Variants in NRXN2 observed in about 807,000 individuals in gnomAD.
NRXN2 encodes neurexin-2-beta.
NRXN2 carries 29 observed loss-of-function variants against 128.8 expected under a neutral mutation model. The observed-to-expected ratio is 0.23, with a 90% confidence interval of 0.17 to 0.31. The LOEUF is 0.31. NRXN2 is among the 10% of genes least tolerant of loss of function. NRXN2 has a pLI of 1.00. For missense variants in NRXN2, 1,881 were observed against 2,452.6 expected (o/e 0.77, Z 4.92); for synonymous variants, 1,098 against 1,075.2 (o/e 1.02, Z -0.41).
At chr11:64,645,420 G>A (rs950278726) in intron 17 of NRXN2, among the ~76,000 whole-genome samples, 1 of 152,056 alleles carries the variant, frequency 6.6e-6, no homozygotes, top group South Asian at 2.1e-4. Flanking sequence ...AGAGATGAAC[G>A]GAGACAGGGA....
At chr11:64,655,387 C>T (rs747772628) in intron 11 of NRXN2, among the ~76,000 whole-genome samples, 3 of 152,032 alleles carry the variant, frequency 2.0e-5, no homozygotes, top group Non-Finnish European at 2.9e-5. Context: ...AGGAAGAAAA[C>T]GGAGCAGAGG....
chr11:64,709,543 T>C (rs756923262), intron 2 of NRXN2, among the ~76,000 whole-genome samples: 11 of 152,282 alleles, frequency 7.2e-5, no homozygotes, highest in Middle Eastern at 3.4e-3. Flanking sequence ...GCTGTGCCTG[T>C]CATCTCCAGA....
intron 3 of NRXN2, among the ~76,000 whole-genome samples, chr11:64,696,481 G>C (rs2054542222): frequency 6.7e-6 from 1 of 150,322 alleles, no homozygotes; most frequent in African/African-American, 2.5e-5. Context: ...CAGCAGAGTT[G>C]TATAAATGTA....
In NRXN2 at chr11:64,655,257, G is replaced by C. The variant is rs146336278; in HGVS notation, c.2390-1535C>G. Among the ~76,000 whole-genome samples, 425 of 152,324 alleles carry C rather than the reference G, an allele frequency of 2.8e-3. 2 individuals are homozygous for C. Among genetic ancestry groups the C allele is most frequent in the African/African-American group, 9.3e-3 (385 of 41,568 alleles). ...AGTGGAGGCGAGCAGCCAGGACCCT[G>C]GGCCACAGCCTGGCACCAAGGGAGG... is the stretch of plus-strand genomic sequence containing the variant. On this transcript the variant is annotated intron_variant, in intron 11 of 22. Coordinates refer to ENST00000265459, the MANE Select transcript of NRXN2 (RefSeq NM_015080.4).
intron 22 of NRXN2, among the ~76,000 whole-genome samples, chr11:64,613,316 G>A (rs913507890): frequency 2.0e-5 from 3 of 152,232 alleles, no homozygotes; most frequent in African/African-American, 7.2e-5. Context: ...AGTTCCGTGT[G>A]CACATGTCCA....
At chr11:64,645,056 C>T (rs1000231234) in intron 17 of NRXN2, among the ~76,000 whole-genome samples, 2 of 152,112 alleles carry the variant, frequency 1.3e-5, no homozygotes, top group South Asian at 2.1e-4. Context: ...AGGAGGCTTC[C>T]GGTGGTGCAG....
At chr11:64,662,435 T>A (rs1447881101) in intron 9 of NRXN2, among the ~76,000 whole-genome samples, 1 of 152,240 alleles carries the variant, frequency 6.6e-6, no homozygotes, top group Admixed American at 6.5e-5. Context: ...TTTATTCTAC[T>A]TGTATTTTTA....
Position 64,623,030 on chromosome 11 carries a change from C to A in NRXN2, c.3896G>T (p.Gly1299Val). ...FNSQAAIKIG[G>V]RDQGRPFQGQ... ...CTGGAAGGGGCGGCCCTGATCCCGG[C>A]CCCCGATCTTGATGGCAGCCTGGCT... Residue 1299 changes from glycine to valine, a missense_variant, in exon 21 of 23, where the codon GGC (glycine) becomes GTC (valine). Coordinates refer to ENST00000265459, the MANE Select transcript of NRXN2 (RefSeq NM_015080.4). This position sits in a 1 kb window ranked among gnomAD's most constrained non-coding sequence, Gnocchi z 4.9. 6.2e-7 allele frequency: 1 copy of A among 1,610,734 alleles called. No individual in the cohort carries two copies. The highest frequency in any genetic ancestry group is 2.2e-5 in the East Asian group (1 of 44,812).
chr11:64,629,455 T>C (rs1322186366), intron 19 of NRXN2, among the ~76,000 whole-genome samples: 2 of 152,186 alleles, frequency 1.3e-5, no homozygotes, highest in Non-Finnish European at 2.9e-5. Flanking sequence ...CATCTTTGCA[T>C]ATAGTTCAGT....
chr11:64,628,784 C>T (rs1217989941), intron 19 of NRXN2, among the ~76,000 whole-genome samples: 6 of 152,126 alleles, frequency 3.9e-5, no homozygotes, highest in Non-Finnish European at 2.9e-5. Context: ...TCAGTGTTGG[C>T]TTGTTGGGGG....
chr11:64,685,509 A>G, intron 6 of NRXN2, 137 bp downstream of exon 6: 1 of 1,173,860 alleles, frequency 8.5e-7, no homozygotes, highest in Non-Finnish European at 1.3e-6. Flanking sequence ...CACAGCCCCA[A>G]CTCCTGTTCT....
At chr11:64,662,659 G>A (rs1043993350) in intron 9 of NRXN2, among the ~76,000 whole-genome samples, 4 of 151,868 alleles carry the variant, frequency 2.6e-5, no homozygotes, top group African/African-American at 9.7e-5. Flanking sequence ...GCGGGCGCCT[G>A]TAGTCCCAGA....
At chr11:64,665,173 C>T (rs1230710782) in intron 9 of NRXN2, among the ~76,000 whole-genome samples, 3 of 150,848 alleles carry the variant, frequency 2.0e-5, no homozygotes, top group Non-Finnish European at 4.4e-5. Flanking sequence ...CCCAGCTACT[C>T]GGGAGGCTGA....
rs752886670 is a variant in NRXN2, at chr11:64,635,500, C to T, written c.3404-48G>A. Reference sequence around the variant, plus strand: ...ACAAGAAGAAATGACATCAGGAGGACGAGGTCAGCAGGTCCTCAGGGTTGT... The same window carrying T: ...ACAAGAAGAAATGACATCAGGAGGATGAGGTCAGCAGGTCCTCAGGGTTGT... On this transcript the variant is annotated intron_variant, in intron 17 of 22. Coordinates refer to ENST00000265459, the MANE Select transcript of NRXN2 (RefSeq NM_015080.4). This position sits in a 1 kb window ranked among gnomAD's most constrained non-coding sequence, Gnocchi z 4.8. 1.2e-5 allele frequency: 19 copies of T among 1,602,138 alleles called. 1 individual carries two copies. Among genetic ancestry groups the T allele is most frequent in the South Asian group, 1.1e-4 (10 of 90,214 alleles).
Position 64,631,371 on chromosome 11 carries a change from G to A in NRXN2, c.3586-798C>T, listed in dbSNP as rs1466141236. Among the ~76,000 whole-genome samples the A allele has an allele frequency of 2.0e-5, 3 of 152,258 alleles. No homozygotes were observed. Among genetic ancestry groups the A allele is most frequent in the East Asian group, 3.9e-4 (2 of 5,188 alleles). The stretch of plus-strand genomic sequence containing the variant: ...CGGAGGCCTGGAGAAGGGGAGCAAA[G>A]AGCCTAAGCAATCTCTGGGACCCAG... On this transcript the variant is annotated intron_variant, in intron 18 of 22. Transcript: ENST00000265459. This position sits in a 1 kb window ranked among gnomAD's most constrained non-coding sequence, Gnocchi z 4.8.
At chr11:64,715,719 G>A (rs780293490) in intron 1 of NRXN2, among the ~76,000 whole-genome samples, 20 of 152,118 alleles carry the variant, frequency 1.3e-4, no homozygotes, top group Non-Finnish European at 2.5e-4. Flanking sequence ...TGAATGTCCT[G>A]CCCCAACACC....
chr11:64,678,459 G>A (rs2051676458), intron 6 of NRXN2, among the ~76,000 whole-genome samples: 1 of 151,902 alleles, frequency 6.6e-6, no homozygotes, highest in African/African-American at 2.4e-5. Flanking sequence ...CTCCTTTCAT[G>A]TACACCCATA....
intron 2 of NRXN2, among the ~76,000 whole-genome samples, chr11:64,711,716 C>T (rs2056912242): frequency 6.6e-6 from 1 of 152,192 alleles, no homozygotes; most frequent in African/African-American, 2.4e-5. Flanking sequence ...TCAAACCCCA[C>T]GCTCTCAGGG....
At chr11:64,653,541 A>C (rs981104865) in intron 12 of NRXN2, among the ~76,000 whole-genome samples, 155 bp downstream of exon 12, 1 of 147,548 alleles carries the variant, frequency 6.8e-6, no homozygotes, top group Non-Finnish European at 1.5e-5. Context: ...ACCCAACCTC[A>C]CCCTCCTGCC....
Sources: allele counts gnomAD v4.1 joint callset (sites outside exome capture counted in the v4.1 genomes callset), GRCh38; gene constraint gnomAD v4.1.1; non-coding constraint Gnocchi (gnomAD v3.1); transcripts MANE v1.5; gene names NCBI Gene and HGNC (gene_info 2026-07-23, HGNC 2026-07-21).